The following RP1 variants were observed in gnomAD, a reference collection of about 807,000 sequenced individuals.
RP1 encodes RP1 axonemal microtubule associated.
RP1 carries 16 observed loss-of-function variants against 14.8 expected under a neutral mutation model. The ratio of observed to expected loss-of-function variants is 1.08; its 90% CI spans 0.73 to 1.65. The LOEUF (loss-of-function observed/expected upper bound fraction) is 1.65. Ranked by LOEUF, RP1 falls within the 40% of genes most tolerant of loss-of-function variation. The pLI, the probability that RP1 is intolerant of heterozygous loss-of-function variation, is 0.00. For synonymous variants in RP1, 876 were observed against 883.6 expected (o/e 0.99, Z 0.15); for missense variants, 2,631 against 2,535.0 (o/e 1.04, Z -0.81).
chr8:54,681,122 C>T (rs905592282), intron 12 of RP1, among the ~76,000 whole-genome samples: 13 of 152,170 alleles, frequency 8.5e-5, no homozygotes, highest in Non-Finnish European at 1.6e-4. Context: ...GGCCCTTCAT[C>T]CTATTCCCTG....
At chr8:54,573,996 G>C (rs1187875833) in intron 1 of RP1, among the ~76,000 whole-genome samples, 5 of 152,208 alleles carry the variant, frequency 3.3e-5, no homozygotes, top group Non-Finnish European at 7.3e-5. Flanking sequence ...CATGTGTGCA[G>C]ATACTGCTCT....
At chr8:54,585,933 TG>T (rs1303655760) in intron 1 of RP1, among the ~76,000 whole-genome samples, 1 of 152,200 alleles carries the variant, frequency 6.6e-6, no homozygotes, top group Non-Finnish European at 1.5e-5. Flanking sequence ...TTCTTTGCCA[TG>T]GGTTCGAACT....
Position 54,646,358 on chromosome 8 carries a change from T to C in RP1, c.788-2627T>C, listed in dbSNP as rs1221199827. On this transcript the variant is annotated intron_variant, in intron 3 of 22. Coordinates refer to the RP1 transcript ENST00000636932. ...CTTATTCATTATGTTAGTTTTTCTG[T>C]GATCTGACCTCGCCTCACTAAAATA... is the stretch of plus-strand genomic sequence containing the variant. 3.3e-5 allele frequency among the ~76,000 whole-genome samples: 5 copies of C among 152,130 alleles called. No individual in the cohort carries two copies. The East Asian group carries it at 5.8e-4, about 18-fold the overall frequency.
At chr8:54,866,051 C>T (rs1812451148) in intron 28 of RP1, 2 of 397,002 alleles carry the variant, frequency 5.0e-6, no homozygotes, top group Non-Finnish European at 4.4e-6. Context: ...TGAAGGCCTT[C>T]TCTCCTCAAG....
At chr8:54,693,988 A>G (rs1181559851) in intron 12 of RP1, among the ~76,000 whole-genome samples, 3 of 152,132 alleles carry the variant, frequency 2.0e-5, no homozygotes, top group East Asian at 1.9e-4. Flanking sequence ...TTTGAGATAC[A>G]TCCCATCAAT....
chr8:54,782,750 A>G (rs1396896), intron 23 of RP1, among the ~76,000 whole-genome samples: 65,622 of 151,816 alleles, frequency 0.43, 14,696 homozygotes, highest in African/African-American at 0.54. Context: ...TAAAATGAAG[A>G]CTTATTTTGT....
chr8:54,767,061 T>C (rs1461935214), intron 22 of RP1, among the ~76,000 whole-genome samples: 4 of 152,158 alleles, frequency 2.6e-5, no homozygotes, highest in Admixed American at 1.3e-4. Context: ...CTGAGAAAAG[T>C]AGGATGGTTG....
intron 1 of RP1, among the ~76,000 whole-genome samples, chr8:54,569,973 C>T (rs1238234351): frequency 6.6e-6 from 1 of 152,136 alleles, no homozygotes; most frequent in Non-Finnish European, 1.5e-5. Context: ...GAGCACATAC[C>T]CCACACTGGA....
intron 1 of RP1, among the ~76,000 whole-genome samples, chr8:54,565,714 G>A (rs550380459): frequency 6.6e-6 from 1 of 152,240 alleles, no homozygotes; most frequent in Admixed American, 6.5e-5. Context: ...AGCGGGGATT[G>A]GGGGGATCTG....
At chr8:54,866,295 T>C (rs1198275193) in intron 28 of RP1, among the ~76,000 whole-genome samples, 1 of 152,198 alleles carries the variant, frequency 6.6e-6, no homozygotes, top group African/African-American at 2.4e-5. Context: ...CAATAATACC[T>C]GCTTCCCCTA....
rs560194680 is a variant in RP1 at position 54,627,013 on chromosome 8, AAT to A, written c.3132_3133del (p.Lys1044AsnfsTer16). 2 of 1,614,006 alleles carry A rather than the reference AAT, an allele frequency of 1.2e-6. No individual in the cohort carries two copies. Among genetic ancestry groups the A allele is most frequent in the Non-Finnish European group, 1.7e-6 (2 of 1,179,950 alleles). Reference sequence around the variant, plus strand: ...ACTAAAAGTCATATAGCTGCTGAAAAATCAGGACCAGAGAAAAAACTTGTTTA... The same window carrying A: ...ACTAAAAGTCATATAGCTGCTGAAAACAGGACCAGAGAAAAAACTTGTTTA... On this transcript the variant is annotated frameshift_variant, in exon 4 of 4. Transcript: ENST00000220676. LOFTEE classifies it low-confidence loss of function (END_TRUNC).
chr8:54,623,741 A>G (rs761006359), intron 3 of RP1, among the ~76,000 whole-genome samples: 1 of 152,232 alleles, frequency 6.6e-6, no homozygotes, highest in Non-Finnish European at 1.5e-5. Flanking sequence ...CGATTATACA[A>G]AGTGCATGCT....
chr8:54,572,394 C>T (rs757480908), intron 1 of RP1, among the ~76,000 whole-genome samples: 10 of 152,162 alleles, frequency 6.6e-5, no homozygotes, highest in Non-Finnish European at 1.3e-4. Context: ...TTAAAATCAC[C>T]CAACCTATGA....
chr8:54,621,097 G>C lies in RP1; in HGVS notation c.131G>C (p.Gly44Ala). ...AAGCGAATCAGTTTCTACAAGAGCGGAGACCCCCAATTCGGCGGGGTCAGG... is the reference window on the plus strand; with the variant it reads ...AAGCGAATCAGTTTCTACAAGAGCGCAGACCCCCAATTCGGCGGGGTCAGG... ...VAKRISFYKSGDPQFGGVRVV... is the reference protein window; with the variant it reads ...VAKRISFYKSADPQFGGVRVV... The change falls in exon 2 of 4, where the codon GGA becomes GCA. Residue 44 changes from glycine (G) to alanine (A), a missense_variant. Coordinates refer to ENST00000220676, the MANE Select transcript of RP1 (RefSeq NM_006269.2). 6.2e-7 allele frequency: 1 copy of C among 1,614,152 alleles called. No individual in the cohort carries two copies. The highest frequency in any genetic ancestry group is 8.5e-7 in the Non-Finnish European group (1 of 1,180,018).
At chr8:54,665,519 T>C (rs1806997449) in intron 7 of RP1, among the ~76,000 whole-genome samples, 1 of 152,150 alleles carries the variant, frequency 6.6e-6, no homozygotes, top group Admixed American at 6.6e-5. Context: ...TTGCTAGATG[T>C]GTGATCAAGT....
chr8:54,559,720 T>C (rs1311320770), intron 1 of RP1, among the ~76,000 whole-genome samples: 2 of 152,164 alleles, frequency 1.3e-5, no homozygotes, highest in African/African-American at 2.4e-5. Context: ...AACAGCATGA[T>C]CCGTCTTAGG....
At chr8:54,684,293 C>T (rs910364525) in intron 12 of RP1, among the ~76,000 whole-genome samples, 2 of 152,006 alleles carry the variant, frequency 1.3e-5, no homozygotes, top group Non-Finnish European at 2.9e-5. Context: ...GTATCTCTGC[C>T]AGGTTTTGCT....
intron 1 of RP1, chr8:54,561,789 A>G (rs1475537310): frequency 6.6e-6 from 1 of 152,258 alleles, no homozygotes; most frequent in Non-Finnish European, 1.5e-5. Context: ...TTCTATGGAT[A>G]GACTGCTTTC....
intron 24 of RP1, among the ~76,000 whole-genome samples, chr8:54,811,561 G>A (rs1486109985): frequency 6.6e-6 from 1 of 152,260 alleles, no homozygotes; most frequent in Admixed American, 6.5e-5. Flanking sequence ...GGAAGAAGTC[G>A]TGTCATATGT....
Sources: gnomAD v4.1 joint callset for allele counts (sites outside exome capture counted in the v4.1 genomes callset) on GRCh38, gnomAD v4.1.1 for gene constraint, MANE v1.5 for transcripts, NCBI Gene and HGNC (gene_info 2026-07-23, HGNC 2026-07-21) for gene names.